The following TAS2R1 variants were observed in gnomAD, a reference collection of about 807,000 sequenced individuals.
TAS2R1 encodes the protein taste 2 receptor member 1, also known as taste receptor type 2 member 1.
For missense variants in TAS2R1, 370 were observed against 353.4 expected, an observed-to-expected ratio of 1.05 and a Z score of -0.38; for synonymous variants, 141 against 134.2, an observed-to-expected ratio of 1.05 and a Z score of -0.35.
At chr5:9,719,950 A>G in the TAS2R1 span, among the ~76,000 whole-genome samples, 1 of 150,200 alleles carries the variant, frequency 6.7e-6, no homozygotes, top group Non-Finnish European at 1.5e-5. Flanking sequence ...AAAAACAAAA[A>G]CAAACTACCC....
At chr5:9,856,144 C>T in the TAS2R1 span, among the ~76,000 whole-genome samples, 4 of 152,150 alleles carry the variant, frequency 2.6e-5, no homozygotes, top group East Asian at 1.9e-4. Context: ...ATATTTAAAA[C>T]GTCTCCTTAT....
chr5:9,718,721 G>T, the TAS2R1 span, among the ~76,000 whole-genome samples: 1 of 152,168 alleles, frequency 6.6e-6, no homozygotes, highest in Non-Finnish European at 1.5e-5. Flanking sequence ...CCATGTGAAG[G>T]ACATAGTATG....
the TAS2R1 span, among the ~76,000 whole-genome samples, chr5:9,741,791 G>A: frequency 5.3e-5 from 8 of 152,210 alleles, no homozygotes; most frequent in East Asian, 1.5e-3. Flanking sequence ...CCAGTCCCAG[G>A]GTCGTGCCTT....
the TAS2R1 span, among the ~76,000 whole-genome samples, chr5:9,871,093 G>A: frequency 6.6e-6 from 1 of 152,144 alleles, no homozygotes; most frequent in Non-Finnish European, 1.5e-5. Flanking sequence ...AGCTGGTGTT[G>A]CCCTTCCTGT....
At chr5:9,756,269 A>G in the TAS2R1 span, among the ~76,000 whole-genome samples, 1 of 152,210 alleles carries the variant, frequency 6.6e-6, no homozygotes, top group African/African-American at 2.4e-5. Flanking sequence ...ATCAGAGTAA[A>G]ACAAAAATTA....
the TAS2R1 span, among the ~76,000 whole-genome samples, chr5:9,855,163 A>G: frequency 1.3e-5 from 2 of 152,138 alleles, no homozygotes; most frequent in Non-Finnish European, 2.9e-5. Context: ...CTGACTTGCA[A>G]TCAGGGAGTC....
chr5:9,732,836 C>A, the TAS2R1 span, among the ~76,000 whole-genome samples: 1 of 152,114 alleles, frequency 6.6e-6, no homozygotes, highest in Non-Finnish European at 1.5e-5. Flanking sequence ...TAGAGGGTAG[C>A]AAGTTGATAT....
intron 2 of TAS2R1, among the ~76,000 whole-genome samples, chr5:9,645,397 C>T (rs112049340): frequency 2.0e-4 from 31 of 152,236 alleles, no homozygotes; most frequent in African/African-American, 5.8e-4. Context: ...AGCATCACCG[C>T]GTCCTATGTT....
At chr5:9,827,524 C>T in the TAS2R1 span, among the ~76,000 whole-genome samples, 10,907 of 151,826 alleles carry the variant, frequency 0.072, 902 homozygotes, top group East Asian at 0.24. Flanking sequence ...TACTTGAGTC[C>T]AGGATTTCAA....
the TAS2R1 span, among the ~76,000 whole-genome samples, chr5:9,895,172 G>A: frequency 6.6e-6 from 1 of 152,184 alleles, no homozygotes; most frequent in Admixed American, 6.5e-5. Flanking sequence ...GGTGATGGGG[G>A]AGAAGGAAGG....
the TAS2R1 span, among the ~76,000 whole-genome samples, chr5:9,719,459 T>C: frequency 6.6e-6 from 1 of 152,218 alleles, no homozygotes. Flanking sequence ...CGCTTTTGTC[T>C]ACCCTGCAAT....
the TAS2R1 span, among the ~76,000 whole-genome samples, chr5:9,776,232 T>A: frequency 1.4e-4 from 21 of 152,132 alleles, no homozygotes; most frequent in Non-Finnish European, 2.6e-4. Flanking sequence ...CAGCACTGTG[T>A]TCCAATGCAA....
chr5:9,767,305 C>T, the TAS2R1 span, among the ~76,000 whole-genome samples: 1 of 151,884 alleles, frequency 6.6e-6, no homozygotes, highest in Non-Finnish European at 1.5e-5. Flanking sequence ...TATCCTGACC[C>T]CACCTGCTCC....
the TAS2R1 span, among the ~76,000 whole-genome samples, chr5:9,739,262 T>C: frequency 6.6e-6 from 1 of 152,194 alleles, no homozygotes; most frequent in Non-Finnish European, 1.5e-5. Context: ...TAGCTTCTCA[T>C]AGTGAAGGTG....
At chr5:9,889,216 T>C in the TAS2R1 span, among the ~76,000 whole-genome samples, 1 of 152,144 alleles carries the variant, frequency 6.6e-6, no homozygotes, top group African/African-American at 2.4e-5. Flanking sequence ...TTGTCTTCCT[T>C]TACTCTGAGT....
At chr5:9,868,267 C>T in the TAS2R1 span, among the ~76,000 whole-genome samples, 3 of 152,228 alleles carry the variant, frequency 2.0e-5, no homozygotes, top group African/African-American at 7.2e-5. Context: ...AGAGATTCTC[C>T]ATGAGGGCCC....
At chr5:9,773,152 T>C in the TAS2R1 span, among the ~76,000 whole-genome samples, 2 of 152,094 alleles carry the variant, frequency 1.3e-5, no homozygotes, top group African/African-American at 2.4e-5. Context: ...AATTTCTTGA[T>C]TTTCATTTTT....
the TAS2R1 span, among the ~76,000 whole-genome samples, chr5:9,854,915 C>T: frequency 8.5e-5 from 13 of 152,328 alleles, no homozygotes; most frequent in South Asian, 2.5e-3. Flanking sequence ...TACCCTCAGA[C>T]ACTGACTCTT....
the TAS2R1 span, among the ~76,000 whole-genome samples, chr5:9,732,235 GGCA>G: frequency 6.6e-6 from 1 of 152,164 alleles, no homozygotes; most frequent in Non-Finnish European, 1.5e-5. Context: ...CAAGGACGAG[GGCA>G]GCCTTTAGTA....
Sources: allele counts gnomAD v4.1 joint callset (sites outside exome capture counted in the v4.1 genomes callset), GRCh38; gene constraint gnomAD v4.1.1; transcripts MANE v1.5; gene names NCBI Gene and HGNC (gene_info 2026-07-23, HGNC 2026-07-21).